COA1: variants seen among roughly 807,000 people sequenced by gnomAD.
The protein encoded by COA1 is cytochrome c oxidase assembly factor 1.
A neutral mutation model predicts 16.0 loss-of-function variants in COA1; 13 were observed. The ratio of observed to expected loss-of-function variants is 0.81; its 90% CI spans 0.53 to 1.29. The LOEUF (loss-of-function observed/expected upper bound fraction) is 1.29, where lower values mean the gene tolerates loss of function less well. COA1 is among the 50% of genes most tolerant of loss of function. The pLI is 0.00. For synonymous variants in COA1, 65 were observed against 65.7 expected (o/e 0.99, Z 0.05); for missense variants, 179 against 177.0 (o/e 1.01, Z -0.06).
chr7:43,643,500 A>G (rs1334908244), intron 4 of COA1, among the ~76,000 whole-genome samples: 1 of 152,184 alleles, frequency 6.6e-6, no homozygotes, highest in African/African-American at 2.4e-5. Context: ...CACTCCACAC[A>G]TGCCCAGCCC....
chr7:43,709,214 G>A (rs1005733163), intron 1 of COA1, among the ~76,000 whole-genome samples: 9 of 151,884 alleles, frequency 5.9e-5, no homozygotes, highest in Admixed American at 1.3e-4. Context: ...TTTTAATAGA[G>A]ACGGGGTTTC....
chr7:43,618,921 G>A (rs1041531335), intron 6 of COA1, among the ~76,000 whole-genome samples: 2 of 152,130 alleles, frequency 1.3e-5, no homozygotes, highest in African/African-American at 4.8e-5. Context: ...GCAGAGTGGT[G>A]GGAGAAGAGG....
In COA1 at chr7:43,644,789, G is replaced by GAGAGAGAGA. The variant is rs1442537142; in HGVS notation, c.264+461_264+462insTCTCTCTCT. 1.5e-3 allele frequency among the ~76,000 whole-genome samples: 158 copies of GAGAGAGAGA among 104,420 alleles called. 2 individuals carry two copies. Among genetic ancestry groups the GAGAGAGAGA allele is most frequent in the Middle Eastern group, 4.9e-3 (1 of 204 alleles). The allele number at this position is 104,420 out of a possible 152,430, so 68.5% of individuals were successfully genotyped here. On this transcript the variant is annotated intron_variant, in intron 4 of 5. Transcript: ENST00000223336. ...AGGCAGGCAGGCAGGCAGGCAGGCA[G>GAGAGAGAGA]GCAGAGAGACAGAGAGAGAGAGAGA...
At chr7:43,647,395 C>T (rs981147471) in intron 3 of COA1, 140 bp downstream of exon 3, 18 of 686,096 alleles carry the variant, frequency 2.6e-5, no homozygotes, top group Admixed American at 2.3e-4. Flanking sequence ...CTATAGCCAA[C>T]GAAATGGTGG....
At chr7:43,718,166 G>A (rs1172634611) in intron 1 of COA1, among the ~76,000 whole-genome samples, 4 of 152,120 alleles carry the variant, frequency 2.6e-5, no homozygotes, top group Non-Finnish European at 5.9e-5. Flanking sequence ...CACTAATAGC[G>A]TTTATATGAA....
chr7:43,708,129 C>A (rs886849041), intron 1 of COA1, among the ~76,000 whole-genome samples: 1 of 152,032 alleles, frequency 6.6e-6, no homozygotes, highest in African/African-American at 2.4e-5. Flanking sequence ...GCTTGAACCC[C>A]GGAGGCGGAG....
chr7:43,697,631 T>C (rs1460884919), intron 1 of COA1, among the ~76,000 whole-genome samples: 1 of 152,202 alleles, frequency 6.6e-6, no homozygotes, highest in Non-Finnish European at 1.5e-5. Context: ...TAAATGACAA[T>C]TGCCAGCTTC....
chr7:43,691,320 A>G (rs1184723185), intron 1 of COA1, among the ~76,000 whole-genome samples: 4 of 106,342 alleles, frequency 3.8e-5, no homozygotes, highest in Non-Finnish European at 7.9e-5. Flanking sequence ...AAAGAAAGAA[A>G]GAAAGAAAGA....
chr7:43,665,544 G>C (rs2092821800), intron 1 of COA1: 1 of 152,186 alleles, frequency 6.6e-6, no homozygotes, highest in East Asian at 1.9e-4. Flanking sequence ...CAGAACTTAA[G>C]AAGAGTTCTG....
chr7:43,712,959 T>G (rs1164251799), intron 1 of COA1, among the ~76,000 whole-genome samples: 3 of 152,182 alleles, frequency 2.0e-5, no homozygotes, highest in Non-Finnish European at 4.4e-5. Flanking sequence ...TGTCTTGTTT[T>G]CTTTTGCTAT....
intron 1 of COA1, among the ~76,000 whole-genome samples, chr7:43,702,724 C>T (rs2094800334): frequency 6.6e-6 from 1 of 151,978 alleles, no homozygotes; most frequent in African/African-American, 2.4e-5. Context: ...TTTGTCGTAT[C>T]TGATTGTGTT....
chr7:43,677,237 CT>C (rs2093567854), intron 1 of COA1, among the ~76,000 whole-genome samples: 1 of 152,148 alleles, frequency 6.6e-6, no homozygotes, highest in African/African-American at 2.4e-5. Flanking sequence ...GGTAAAGAAA[CT>C]GTGGAGTCTT....
At chr7:43,658,166 G>A (rs1005510723) in intron 1 of COA1, among the ~76,000 whole-genome samples, 2 of 152,114 alleles carry the variant, frequency 1.3e-5, no homozygotes, top group Non-Finnish European at 2.9e-5. Flanking sequence ...CACGGGGTCA[G>A]GAGATCGAGA....
intron 6 of COA1, chr7:43,624,925 T>A: frequency 8.2e-7 from 1 of 1,222,114 alleles, no homozygotes; most frequent in Non-Finnish European, 1.1e-6. Flanking sequence ...ATGGTACATG[T>A]ACTGGAAGTG....
At chr7:43,664,090 A>G (rs2092692699) in intron 1 of COA1, among the ~76,000 whole-genome samples, 1 of 145,296 alleles carries the variant, frequency 6.9e-6, no homozygotes, top group South Asian at 2.2e-4. Context: ...ATCATTTAGT[A>G]TTTGTCTTTA....
chr7:43,623,569 T>C (rs1320738903), intron 6 of COA1: 1 of 1,608,444 alleles, frequency 6.2e-7, no homozygotes, highest in Admixed American at 1.7e-5. Context: ...TTTCTGATAC[T>C]AGCTCCTGAA....
At chr7:43,664,283 ATTAT>A (rs1281429354) in intron 1 of COA1, among the ~76,000 whole-genome samples, 2 of 152,110 alleles carry the variant, frequency 1.3e-5, no homozygotes, top group Non-Finnish European at 2.9e-5. Flanking sequence ...ACCCGGCTCC[ATTAT>A]TTGTCTTTTT....
chr7:43,685,127 G>A (rs1490455242), intron 1 of COA1, among the ~76,000 whole-genome samples: 1 of 148,890 alleles, frequency 6.7e-6, no homozygotes, highest in East Asian at 2.0e-4. Context: ...CCAGCAGCCT[G>A]GGCAACAGAA....
At chr7:43,662,497 T>C (rs1486433644) in intron 1 of COA1, among the ~76,000 whole-genome samples, 1 of 152,264 alleles carries the variant, frequency 6.6e-6, no homozygotes, top group African/African-American at 2.4e-5. Flanking sequence ...CCCAAAGTGC[T>C]GGGATTACAG....
Sources: allele counts gnomAD v4.1 joint callset (sites outside exome capture counted in the v4.1 genomes callset), GRCh38; gene constraint gnomAD v4.1.1; transcripts MANE v1.5; gene names NCBI Gene and HGNC (gene_info 2026-07-23, HGNC 2026-07-21).